The following ATP10B variants were observed in gnomAD, a reference collection of about 807,000 sequenced individuals.
ATP10B encodes the protein phospholipid-transporting ATPase VB.
A neutral mutation model predicts 141.2 loss-of-function variants in ATP10B; 122 were observed. The observed-to-expected ratio is 0.86, with a 90% CI of 0.75 to 1.00. The LOEUF is 1.00. Ranked by LOEUF, ATP10B falls within the 50% of genes least tolerant of loss-of-function variation. The pLI, the probability that ATP10B is intolerant of heterozygous loss-of-function variation, is 0.00. For missense variants in ATP10B, 1,876 were observed against 1,825.3 expected, an observed-to-expected ratio of 1.03 and a Z score of -0.51; for synonymous variants, 685 against 692.0, an observed-to-expected ratio of 0.99 and a Z score of 0.16.
chr5:160,649,097 G>T, intron 8 of ATP10B, 74 bp downstream of exon 8: 1 of 1,068,884 alleles, frequency 9.4e-7, no homozygotes, highest in Non-Finnish European at 1.4e-6. Context: ...TTATTTGTTT[G>T]GTCATTTCTA....
chr5:160,763,125 C>T (rs12656418), intron 2 of ATP10B, among the ~76,000 whole-genome samples: 47,747 of 151,836 alleles, frequency 0.31, 7,840 homozygotes, highest in Non-Finnish European at 0.36. Context: ...TAGAGGACTT[C>T]GGTACTCGAC....
the ATP10B span, among the ~76,000 whole-genome samples, chr5:160,879,537 TAA>T: frequency 3.7e-5 from 5 of 134,870 alleles, no homozygotes; most frequent in African/African-American, 1.1e-4. Context: ...AAAGTAAAAT[TAA>T]AAAAAAAAAA....
intron 11 of ATP10B, among the ~76,000 whole-genome samples, chr5:160,635,098 A>C (rs1424757758): frequency 6.6e-6 from 1 of 151,392 alleles, no homozygotes; most frequent in East Asian, 2.0e-4. Context: ...GACAAAGAAC[A>C]AACAAATAAA....
chr5:160,660,657 T>C (rs1287192666), intron 7 of ATP10B, among the ~76,000 whole-genome samples: 1 of 152,206 alleles, frequency 6.6e-6, no homozygotes, highest in African/African-American at 2.4e-5. Context: ...ATTGAAGTCA[T>C]AGATCTAAAC....
rs141255665 is a variant in ATP10B, at chr5:160,724,505, A to G, written c.-330-7471T>C. On this transcript the variant is annotated intron_variant, in intron 2 of 25. Transcript: ENST00000327245. ...TTCCTATATGTTTGGAGTAAAAGTA[A>G]AGTACCATAACTATAATTCTAACTA... Among the ~76,000 whole-genome samples, 117 of 152,270 alleles carry G rather than the reference A, an allele frequency of 7.7e-4. 1 individual carries two copies. In the East Asian group the frequency reaches 0.02, roughly 26 times the overall value.
the ATP10B span, among the ~76,000 whole-genome samples, chr5:160,899,579 T>TC: frequency 6.6e-6 from 1 of 152,044 alleles, no homozygotes; most frequent in Non-Finnish European, 1.5e-5. Context: ...TATGCATCTC[T>TC]CCCCCCAAAA....
rs563519936 is a variant in ATP10B, at chr5:160,649,323, A to G, written c.676-67T>C. 1.4e-4 allele frequency: 157 copies of G among 1,126,924 alleles called. 1 individual carries two copies. The African/African-American group carries it at 2.1e-3, about 15-fold the overall frequency. The allele number at this position is 1,126,924 out of a possible 1,614,324, so 69.8% of individuals were successfully genotyped here. On this transcript the variant is annotated intron_variant, in intron 7 of 25. Transcript: ENST00000327245. Reference sequence around the variant, plus strand: ...ATCTAGTTTTAATAGGATCACTGGGAGAGCTAATCACTGTTAGAACCATTG... The same window carrying G: ...ATCTAGTTTTAATAGGATCACTGGGGGAGCTAATCACTGTTAGAACCATTG...
At chr5:160,706,543 A>G (rs534232657) in intron 3 of ATP10B, among the ~76,000 whole-genome samples, 25 of 152,286 alleles carry the variant, frequency 1.6e-4, no homozygotes, top group African/African-American at 3.4e-4. Flanking sequence ...TTCTACCTCA[A>G]CGTGAGCCAG....
rs200650326 is a variant in ATP10B, at chr5:160,620,963, G to T, written c.1813-13C>A. On this transcript the variant is annotated splice_polypyrimidine_tract_variant and intron_variant, in intron 14 of 25. Coordinates refer to ENST00000327245, the MANE Select transcript of ATP10B (RefSeq NM_025153.3). Reference sequence around the variant, plus strand: ...GTTTGATGGTGACCTTGTGGCCAAAGAAGGAAAGTGGAATATTACTCTCAA... The same window carrying T: ...GTTTGATGGTGACCTTGTGGCCAAATAAGGAAAGTGGAATATTACTCTCAA... The T allele has an allele frequency of 4.1e-5, 66 of 1,599,266 alleles. No individual in the cohort carries two copies. The East Asian group carries it at 1.5e-3, about 36-fold the overall frequency.
intron 24 of ATP10B, among the ~76,000 whole-genome samples, chr5:160,585,703 A>C (rs1447508881): frequency 6.6e-6 from 1 of 152,224 alleles, no homozygotes; most frequent in Non-Finnish European, 1.5e-5. Flanking sequence ...TAGACCCAGC[A>C]GTAGATGGGG....
intron 1 of ATP10B, among the ~76,000 whole-genome samples, chr5:160,826,764 A>T (rs1057438967): frequency 3.9e-5 from 6 of 152,122 alleles, no homozygotes; most frequent in African/African-American, 1.4e-4. Context: ...TCCTGTGGGG[A>T]AGTCTATAAA....
chr5:160,924,330 C>A, the ATP10B span, among the ~76,000 whole-genome samples: 4 of 152,180 alleles, frequency 2.6e-5, no homozygotes, highest in Non-Finnish European at 4.4e-5. Flanking sequence ...CCTGGGCCAA[C>A]TTTGTGTGCT....
chr5:160,782,838 G>A, intron 2 of ATP10B, among the ~76,000 whole-genome samples: 1 of 152,104 alleles, frequency 6.6e-6, no homozygotes, highest in Admixed American at 6.6e-5. Context: ...ATAATATTGA[G>A]TTCACAAAGC....
At position 160,670,510 on chromosome 5, in the gene ATP10B, C is replaced by T. The variant is rs781678212; in HGVS notation, c.628G>A (p.Glu210Lys). ...ACACATCTTTGCTTGAGGTTTGTCT[C>T]TCCATCCAAGCTGGCAGTTTCCAGA... The part of the protein sequence containing the change: ...CHLETASLDG[E>K]TNLKQRCVVK... The change falls in exon 7 of 26, where the codon GAG becomes AAG. Residue 210 changes from glutamate to lysine, a missense_variant. Physicochemically the swap from Glu to Lys is moderately conservative, Grantham distance 56. Coordinates refer to ENST00000327245, the MANE Select transcript of ATP10B (RefSeq NM_025153.3). 5.0e-6 allele frequency: 8 copies of T among 1,614,028 alleles called. No homozygotes were observed. In the South Asian group the frequency reaches 7.7e-5, roughly 16 times the overall value.
chr5:160,775,972 A>C (rs1770279048), intron 2 of ATP10B, among the ~76,000 whole-genome samples: 1 of 152,186 alleles, frequency 6.6e-6, no homozygotes, highest in Admixed American at 6.5e-5. Flanking sequence ...AAAGGAGATA[A>C]TCATTGTAGC....
chr5:160,911,097 T>C, the ATP10B span, among the ~76,000 whole-genome samples: 1 of 152,208 alleles, frequency 6.6e-6, no homozygotes, highest in Admixed American at 6.5e-5. Flanking sequence ...GAGAAATGTT[T>C]CCAATGGCCT....
intron 13 of ATP10B, among the ~76,000 whole-genome samples, chr5:160,630,685 C>T (rs918776924): frequency 2.6e-5 from 4 of 152,012 alleles, no homozygotes; most frequent in Non-Finnish European, 5.9e-5. Flanking sequence ...GTTATTATCT[C>T]GTTTGGGAAA....
chr5:160,833,509 T>C (rs1775229729), intron 1 of ATP10B, among the ~76,000 whole-genome samples: 1 of 152,168 alleles, frequency 6.6e-6, no homozygotes, highest in Non-Finnish European at 1.5e-5. Context: ...TTTCATCCTG[T>C]TTGATTTTCC....
chr5:160,648,930 T>G (rs200930801), intron 8 of ATP10B, among the ~76,000 whole-genome samples: 2,775 of 150,304 alleles, frequency 0.018, 74 homozygotes, highest in African/African-American at 0.061. Context: ...ACTAAGGTTT[T>G]TTTTTTTTTT....
Sources: gnomAD v4.1 joint callset for allele counts (sites outside exome capture counted in the v4.1 genomes callset) on GRCh38, gnomAD v4.1.1 for gene constraint, MANE v1.5 for transcripts, NCBI Gene and HGNC (gene_info 2026-07-23, HGNC 2026-07-21) for gene names.